Variants in CRY1 observed in about 807,000 individuals in gnomAD.
The protein encoded by CRY1 is cryptochrome-1.
In CRY1, 45 loss-of-function variants were observed where a neutral mutation model predicts 76.0. The observed-to-expected ratio is 0.59, with a 90% CI of 0.47 to 0.76. The LOEUF (loss-of-function observed/expected upper bound fraction) is 0.76, where lower values mean the gene tolerates loss of function less well. Among genes scored for constraint, CRY1 ranks in the 30% least tolerant of loss-of-function variants. The pLI, the probability that CRY1 is intolerant of heterozygous loss-of-function variation, is 0.00. For missense variants in CRY1, 587 were observed against 716.4 expected, an observed-to-expected ratio of 0.82 and a Z score of 2.06; for synonymous variants, 248 against 244.0, an observed-to-expected ratio of 1.02 and a Z score of -0.15.
intron 1 of CRY1, among the ~76,000 whole-genome samples, chr12:107,064,681 T>C (rs1474643137): frequency 6.6e-6 from 1 of 152,134 alleles, no homozygotes; most frequent in Non-Finnish European, 1.5e-5. Context: ...CAAATAACTA[T>C]GACATGTAGG....
At chr12:107,018,811 C>T (rs1327132313) in intron 2 of CRY1, among the ~76,000 whole-genome samples, 1 of 151,942 alleles carries the variant, frequency 6.6e-6, no homozygotes, top group Admixed American at 6.6e-5. Context: ...GAAAAAATGA[C>T]AATAGTTTAT....
intron 1 of CRY1, among the ~76,000 whole-genome samples, chr12:107,089,324 G>T (rs191879334): frequency 7.3e-5 from 11 of 151,554 alleles, no homozygotes; most frequent in Admixed American, 4.6e-4. Flanking sequence ...CAAATTTTTT[G>T]TTGTTGTTGT....
chr12:106,992,777 A>C lies in CRY1; in HGVS notation c.*10T>G, dbSNP rs775766924. 1 of 1,604,002 alleles carries C rather than the reference A, an allele frequency of 6.2e-7. No individual in the cohort carries two copies. Among genetic ancestry groups the C allele is most frequent in the East Asian group, 2.2e-5 (1 of 44,830 alleles). On this transcript the variant is annotated intron_variant, in intron 12 of 12. Coordinates refer to ENST00000008527, the MANE Select transcript of CRY1 (RefSeq NM_004075.5). ...TTCTAAAGCAAGAAATACAGCTCTAAAATATTTACCTAATTAGTGCTCTGT... is the reference window on the plus strand; with the variant it reads ...TTCTAAAGCAAGAAATACAGCTCTACAATATTTACCTAATTAGTGCTCTGT...
chr12:107,075,661 G>A (rs1256066036), intron 1 of CRY1, among the ~76,000 whole-genome samples: 1 of 152,142 alleles, frequency 6.6e-6, no homozygotes, highest in Non-Finnish European at 1.5e-5. Context: ...GCCACGTATT[G>A]AGCCACCAGA....
intron 12 of CRY1, 170 bp downstream of exon 12, chr12:106,992,617 A>C (rs575033250): frequency 3.9e-4 from 228 of 584,790 alleles, no homozygotes; most frequent in Non-Finnish European, 6.1e-4. Context: ...TCCAGTACAG[A>C]TGCATGTCTC....
At chr12:107,067,061 T>C (rs1953121370) in intron 1 of CRY1, among the ~76,000 whole-genome samples, 1 of 152,180 alleles carries the variant, frequency 6.6e-6, no homozygotes, top group Non-Finnish European at 1.5e-5. Context: ...CCTCCCACCT[T>C]GGTCTCTCAA....
intron 10 of CRY1, among the ~76,000 whole-genome samples, chr12:106,995,631 TTTC>T (rs1378369332): frequency 7.9e-5 from 12 of 152,246 alleles, no homozygotes; most frequent in African/African-American, 2.9e-4. Context: ...CATGTATAGA[TTTC>T]TTTTTTCTTT....
At chr12:107,089,226 T>C (rs1482436004) in intron 1 of CRY1, among the ~76,000 whole-genome samples, 2 of 152,228 alleles carry the variant, frequency 1.3e-5, no homozygotes, top group African/African-American at 2.4e-5. Flanking sequence ...AGTTTTTGTA[T>C]AGGATAATTT....
Position 107,013,324 on chromosome 12 carries a change from G to A in CRY1, c.268-8076C>T, listed in dbSNP as rs1440913055. ...GGCAAGAACCTCCACCAGCAAAAAA[G>A]ATTATGACTTGCTGAAGGCTTAGAT... On this transcript the variant is annotated intron_variant, in intron 2 of 12. Transcript: ENST00000008527. 6.6e-5 allele frequency among the ~76,000 whole-genome samples: 10 copies of A among 152,158 alleles called. 1 individual carries two copies. Among genetic ancestry groups the A allele is most frequent in the Admixed American group, 2.0e-4 (3 of 15,274 alleles).
At chr12:107,001,624 G>A (rs1435916233) in intron 4 of CRY1, 140 bp downstream of exon 4, 2 of 724,176 alleles carry the variant, frequency 2.8e-6, no homozygotes, top group African/African-American at 3.7e-5. Context: ...CTTCTTAAAG[G>A]GTTCTTTTTC....
chr12:107,044,857 G>A (rs145791253), intron 1 of CRY1, among the ~76,000 whole-genome samples: 75 of 152,206 alleles, frequency 4.9e-4, no homozygotes, highest in African/African-American at 1.8e-3. Context: ...GAAAAAGAAC[G>A]AAGAAAGCCT....
chr12:107,002,890 G>A (rs569034441), intron 3 of CRY1, among the ~76,000 whole-genome samples: 1 of 152,152 alleles, frequency 6.6e-6, no homozygotes, highest in Non-Finnish European at 1.5e-5. Context: ...TGTCATCCAT[G>A]TAAGACATGA....
intron 10 of CRY1, among the ~76,000 whole-genome samples, chr12:106,993,326 T>C (rs1047882850): frequency 2.6e-5 from 4 of 151,868 alleles, no homozygotes; most frequent in Admixed American, 1.3e-4. Context: ...AGGTAAAACA[T>C]AGGGGCAAGA....
chr12:107,000,880 C>A (rs1952300904), intron 5 of CRY1, among the ~76,000 whole-genome samples: 1 of 152,130 alleles, frequency 6.6e-6, no homozygotes, highest in African/African-American at 2.4e-5. Context: ...GAACTCCTGA[C>A]CTCAAGTGAT....
intron 1 of CRY1, among the ~76,000 whole-genome samples, chr12:107,089,923 A>G (rs1953450681): frequency 6.6e-6 from 1 of 152,206 alleles, no homozygotes; most frequent in Admixed American, 6.5e-5. Context: ...GTGATTCCAA[A>G]AAGACTTTTG....
intron 1 of CRY1, among the ~76,000 whole-genome samples, chr12:107,053,176 A>G (rs1952942869): frequency 1.3e-5 from 2 of 152,248 alleles, no homozygotes. Context: ...ATTGAAATCC[A>G]AACTTAACAG....
chr12:107,062,335 A>AT (rs1398666308), intron 1 of CRY1, among the ~76,000 whole-genome samples: 5 of 152,170 alleles, frequency 3.3e-5, no homozygotes, highest in Non-Finnish European at 7.4e-5. Context: ...AATTATATTC[A>AT]TAATTTGTAT....
At chr12:107,041,472 G>A (rs1220511138) in intron 1 of CRY1, among the ~76,000 whole-genome samples, 3 of 152,114 alleles carry the variant, frequency 2.0e-5, no homozygotes, top group South Asian at 2.1e-4. Flanking sequence ...TAACTTCTGA[G>A]GTTGACTTAA....
chr12:107,077,683 T>C (rs1254971591), intron 1 of CRY1, among the ~76,000 whole-genome samples: 1 of 152,198 alleles, frequency 6.6e-6, no homozygotes, highest in Admixed American at 6.5e-5. Context: ...GAATACACTA[T>C]GCTCAGTCTT....
Sources: allele counts gnomAD v4.1 joint callset (sites outside exome capture counted in the v4.1 genomes callset), GRCh38; gene constraint gnomAD v4.1.1; transcripts MANE v1.5; gene names NCBI Gene and HGNC (gene_info 2026-07-23, HGNC 2026-07-21).